The following CAMK2D variants were observed in gnomAD, a reference collection of about 807,000 sequenced individuals.
CAMK2D encodes calcium/calmodulin dependent protein kinase II delta.
In CAMK2D, 37 loss-of-function variants were observed where a neutral mutation model predicts 84.0. The ratio of observed to expected loss-of-function variants is 0.44; its 90% CI spans 0.34 to 0.58. CAMK2D has a LOEUF of 0.58. Ranked by LOEUF, CAMK2D falls within the 20% of genes least tolerant of loss-of-function variation. CAMK2D has a pLI of 0.02. For synonymous variants in CAMK2D, 202 were observed against 212.5 expected (o/e 0.95, Z 0.43); for missense variants, 448 against 652.5 (o/e 0.69, Z 3.41).
rs117084962 is a variant in CAMK2D, at chr4:113,602,848, C to T, written c.275+6304G>A. Among the ~76,000 whole-genome samples, 93 of 152,226 alleles carry T rather than the reference C, an allele frequency of 6.1e-4. No individual in the cohort carries two copies. The East Asian group carries it at 0.013, about 21-fold the overall frequency. ...TCAGTCTAATTTGCGGGGTCCCAGC[C>T]GATAAACCTAAAACGGGTAGAGGGA... On this transcript the variant is annotated intron_variant, in intron 4 of 20. Transcript: ENST00000511664.
At chr4:113,579,137 C>G (rs1273265562) in intron 4 of CAMK2D, among the ~76,000 whole-genome samples, 1 of 152,164 alleles carries the variant, frequency 6.6e-6, no homozygotes, top group Non-Finnish European at 1.5e-5. Context: ...AAACTATATT[C>G]CACTGACTGT....
chr4:113,579,558 G>C (rs1223998447), intron 4 of CAMK2D, among the ~76,000 whole-genome samples: 1 of 151,918 alleles, frequency 6.6e-6, no homozygotes, highest in East Asian at 1.9e-4. Flanking sequence ...AAAAGACCCT[G>C]GTACTTCTTC....
intron 7 of CAMK2D, among the ~76,000 whole-genome samples, chr4:113,532,200 A>G (rs2098463086): frequency 1.3e-5 from 2 of 152,244 alleles, no homozygotes; most frequent in Admixed American, 1.3e-4. Flanking sequence ...GCAAAGAGGT[A>G]TTAAAAGACA....
intron 3 of CAMK2D, among the ~76,000 whole-genome samples, chr4:113,613,655 ATTG>A: frequency 6.6e-6 from 1 of 152,214 alleles, no homozygotes; most frequent in African/African-American, 2.4e-5. Context: ...GCCCCAGAAA[ATTG>A]TTATTTTTCC....
intron 17 of CAMK2D, among the ~76,000 whole-genome samples, chr4:113,462,212 G>A (rs1223151986): frequency 6.6e-6 from 1 of 151,856 alleles, no homozygotes; most frequent in Non-Finnish European, 1.5e-5. Flanking sequence ...GGGAATCACT[G>A]TGCCATGATG....
intron 2 of CAMK2D, among the ~76,000 whole-genome samples, chr4:113,735,024 T>C (rs2099577651): frequency 6.6e-6 from 1 of 151,306 alleles, no homozygotes; most frequent in Admixed American, 6.6e-5. Context: ...ACCCAAGACA[T>C]TTTAAAAAAG....
chr4:113,598,554 T>A lies in CAMK2D; in HGVS notation c.275+10598A>T, dbSNP rs188070537. On this transcript the variant is annotated intron_variant, in intron 4 of 20. Coordinates refer to ENST00000511664, the MANE Select transcript of CAMK2D (RefSeq NM_001321571.2). ...ATTGATAAGCTTAAAAACTTAAACT[T>A]AAAAACTTCCACTCTGCAAATGACA... Among the ~76,000 whole-genome samples, 28 of 152,274 alleles carry A rather than the reference T, an allele frequency of 1.8e-4. 1 individual carries two copies. The East Asian group carries it at 5.0e-3, about 27-fold the overall frequency.
intron 6 of CAMK2D, among the ~76,000 whole-genome samples, chr4:113,539,265 T>C (rs2098513740): frequency 6.6e-6 from 1 of 152,220 alleles, no homozygotes. Flanking sequence ...TGGTTGATTC[T>C]AATTCTTTCT....
chr4:113,511,217 G>A (rs976155761), intron 12 of CAMK2D, among the ~76,000 whole-genome samples: 1 of 152,090 alleles, frequency 6.6e-6, no homozygotes, highest in Non-Finnish European at 1.5e-5. Flanking sequence ...CAATGAAATA[G>A]GATGAATAAA....
chr4:113,540,492 A>G (rs942427052), intron 6 of CAMK2D, among the ~76,000 whole-genome samples: 3 of 152,232 alleles, frequency 2.0e-5, no homozygotes, highest in Non-Finnish European at 2.9e-5. Flanking sequence ...GTGATGATCT[A>G]GAAAGAATGC....
intron 2 of CAMK2D, among the ~76,000 whole-genome samples, chr4:113,731,485 T>C (rs555418226): frequency 6.6e-6 from 1 of 152,226 alleles, no homozygotes; most frequent in South Asian, 2.1e-4. Flanking sequence ...ATAAGCACTA[T>C]ATAACATTAT....
chr4:113,564,619 A>C (rs2098713830), intron 4 of CAMK2D, among the ~76,000 whole-genome samples: 1 of 152,196 alleles, frequency 6.6e-6, no homozygotes, highest in African/African-American at 2.4e-5. Context: ...ACCTAACATG[A>C]GCCTAACACA....
rs771227612 is a variant in CAMK2D, at chr4:113,457,396, G to T, written c.1474C>A (p.Arg492=). The stretch of plus-strand genomic sequence containing the variant: ...TGAACATTCTGCCACTTTCCATCCC[G>T]GCGGTGCCACACACGAGTCTCTTCT... ...QSEETRVWHR[R]DGKWQNVHFH... Residue 492 remains arginine, a synonymous_variant, in exon 19 of 21, where the codon CGG becomes AGG. Transcript: ENST00000511664. The T allele has an allele frequency of 9.3e-6, 15 of 1,613,654 alleles. No individual in the cohort carries two copies. Among genetic ancestry groups the T allele is most frequent in the Non-Finnish European group, 1.3e-5 (15 of 1,179,780 alleles).
intron 1 of CAMK2D, 56 bp downstream of exon 1, chr4:113,760,948 C>A (rs1022051634): frequency 6.2e-7 from 1 of 1,611,392 alleles, no homozygotes; most frequent in Non-Finnish European, 8.5e-7. Flanking sequence ...TCGGGGGCAA[C>A]GCGACCCGCC....
chr4:113,667,635 A>G (rs964787606), intron 2 of CAMK2D, among the ~76,000 whole-genome samples: 1 of 152,226 alleles, frequency 6.6e-6, no homozygotes, highest in Non-Finnish European at 1.5e-5. Flanking sequence ...ACTGCAAGGT[A>G]GAAGGGGCTA....
At chr4:113,576,194 C>T (rs577559039) in intron 4 of CAMK2D, among the ~76,000 whole-genome samples, 1 of 152,042 alleles carries the variant, frequency 6.6e-6, no homozygotes, top group South Asian at 2.1e-4. Context: ...AGCTGCCACG[C>T]CTGGCCCCTG....
intron 2 of CAMK2D, among the ~76,000 whole-genome samples, chr4:113,687,038 T>C (rs760606112): frequency 3.4e-4 from 51 of 152,172 alleles, no homozygotes; most frequent in Non-Finnish European, 1.6e-4. Context: ...ACTATGTATA[T>C]AATAAAATGT....
At chr4:113,717,363 T>G (rs895915060) in intron 2 of CAMK2D, among the ~76,000 whole-genome samples, 1 of 152,084 alleles carries the variant, frequency 6.6e-6, no homozygotes, top group African/African-American at 2.4e-5. Flanking sequence ...CTACCCAATA[T>G]GAGTTTTTAA....
At chr4:113,705,218 T>C (rs1171885792) in intron 2 of CAMK2D, among the ~76,000 whole-genome samples, 1 of 149,530 alleles carries the variant, frequency 6.7e-6, no homozygotes, top group Non-Finnish European at 1.5e-5. Flanking sequence ...TCCTAGCTAC[T>C]CTGGAGGCTG....
Sources: allele counts gnomAD v4.1 joint callset (sites outside exome capture counted in the v4.1 genomes callset), GRCh38; gene constraint gnomAD v4.1.1; transcripts MANE v1.5; gene names NCBI Gene and HGNC (gene_info 2026-07-23, HGNC 2026-07-21).